Variants in DENND4C observed in about 807,000 individuals in gnomAD.
DENND4C encodes the protein DENN domain containing 4C.
In DENND4C, 108 loss-of-function variants were observed where a neutral mutation model predicts 203.0. That is an observed-to-expected ratio of 0.53 (90% CI 0.46 to 0.62). The LOEUF is 0.62. Ranked by LOEUF, DENND4C falls within the 20% of genes least tolerant of loss-of-function variation. The pLI, the probability that DENND4C is intolerant of heterozygous loss-of-function variation, is 0.00. For synonymous variants in DENND4C, 871 were observed against 792.4 expected (o/e 1.10, Z -1.67); for missense variants, 2,481 against 2,301.2 (o/e 1.08, Z -1.60).
At chr9:19,353,109 A>G (rs1003594839) in intron 26 of DENND4C, among the ~76,000 whole-genome samples, 4 of 152,112 alleles carry the variant, frequency 2.6e-5, no homozygotes, top group Non-Finnish European at 4.4e-5. Context: ...AACAAAGGGG[A>G]AAAAAAGGCT....
intron 23 of DENND4C, among the ~76,000 whole-genome samples, chr9:19,349,592 C>T (rs570614141): frequency 6.6e-6 from 1 of 152,226 alleles, no homozygotes; most frequent in East Asian, 1.9e-4. Flanking sequence ...TAAATATTTA[C>T]ACATGAAGGA....
At chr9:19,260,987 T>G (rs1237417276) in intron 1 of DENND4C, among the ~76,000 whole-genome samples, 1 of 152,138 alleles carries the variant, frequency 6.6e-6, no homozygotes, top group African/African-American at 2.4e-5. Flanking sequence ...TGTAGTAGTT[T>G]CATGGTTTGA....
At chr9:19,325,603 C>G (rs1340974036) in intron 13 of DENND4C, among the ~76,000 whole-genome samples, 2 of 151,976 alleles carry the variant, frequency 1.3e-5, no homozygotes, top group Non-Finnish European at 2.9e-5. Flanking sequence ...CAGTATCTTC[C>G]AGTTATATGA....
intron 10 of DENND4C, among the ~76,000 whole-genome samples, chr9:19,311,180 G>A (rs1434551639): frequency 3.3e-5 from 5 of 152,066 alleles, no homozygotes; most frequent in Admixed American, 2.6e-4. Flanking sequence ...ATGGAGTAGA[G>A]TGGCCCAATC....
intron 10 of DENND4C, among the ~76,000 whole-genome samples, chr9:19,312,062 A>G (rs888006218): frequency 6.6e-6 from 1 of 152,160 alleles, no homozygotes; most frequent in Non-Finnish European, 1.5e-5. Context: ...ATGAGCAAGG[A>G]TGCTTTCTGT....
At chr9:19,315,931 G>A (rs1029643799) in intron 10 of DENND4C, among the ~76,000 whole-genome samples, 16 of 151,660 alleles carry the variant, frequency 1.1e-4, no homozygotes, top group African/African-American at 3.9e-4. Context: ...GTCTGGCTTT[G>A]GTTTTTATTG....
chr9:19,359,555 C>T (rs2132191987), intron 28 of DENND4C, among the ~76,000 whole-genome samples: 1 of 151,792 alleles, frequency 6.6e-6, no homozygotes, highest in Non-Finnish European at 1.5e-5. Flanking sequence ...ATGTTTTATG[C>T]TTATGTTATA....
At chr9:19,296,601 C>T (rs1837523270) in intron 6 of DENND4C, among the ~76,000 whole-genome samples, 1 of 152,080 alleles carries the variant, frequency 6.6e-6, no homozygotes, top group African/African-American at 2.4e-5. Flanking sequence ...GGTCCACCTG[C>T]CTCAGCCTCC....
chr9:19,337,729 C>CT (rs1820799502), intron 20 of DENND4C: 2 of 1,048,558 alleles, frequency 1.9e-6, no homozygotes, highest in South Asian at 2.7e-5. Flanking sequence ...GGGGAAAGAC[C>CT]TTTCATTGTA....
At chr9:19,287,158 G>C in intron 3 of DENND4C, 137 bp downstream of exon 3, 1 of 857,108 alleles carries the variant, frequency 1.2e-6, no homozygotes, top group Non-Finnish European at 1.5e-6. Context: ...TAATTTTTAT[G>C]ATTTGTAATA....
chr9:19,372,869 A>C lies in DENND4C; in HGVS notation c.*696A>C. 1 of 152,190 alleles carries C rather than the reference A, an allele frequency of 6.6e-6. No homozygotes were observed. Among genetic ancestry groups the C allele is most frequent in the Non-Finnish European group, 1.5e-5 (1 of 68,266 alleles). 9.4% of individuals were successfully genotyped at this position (152,190 alleles called of 1,614,324 possible). On this transcript the variant is annotated 3_prime_UTR_variant, in exon 33 of 33. Coordinates refer to ENST00000434457, the MANE Select transcript of DENND4C (RefSeq NM_001330640.2). ...GAGTGAGACCGTCTCAAAAAAAAAA[A>C]AAAAAAAAAAAGAGAGCAACATATT...
At chr9:19,319,669 ATACT>A (rs1842553290) in intron 12 of DENND4C, among the ~76,000 whole-genome samples, 2 of 151,986 alleles carry the variant, frequency 1.3e-5, no homozygotes, top group South Asian at 2.1e-4. Flanking sequence ...ATTTGAAAAG[ATACT>A]TACTCAGTTT....
In DENND4C at chr9:19,272,981, C is replaced by G. The variant is rs1459641260; in HGVS notation, c.-17-3177C>G. On this transcript the variant is annotated intron_variant, in intron 1 of 32. Coordinates refer to ENST00000434457, the MANE Select transcript of DENND4C (RefSeq NM_001330640.2). Reference sequence around the variant, plus strand: ...TTTTTTTTTTTGAGATGGAGTCTCGCTCTGTCACCCAGGCTGGAGTGCAGT... The same window carrying G: ...TTTTTTTTTTTGAGATGGAGTCTCGGTCTGTCACCCAGGCTGGAGTGCAGT... Among the ~76,000 whole-genome samples, 4 of 137,500 alleles carry G rather than the reference C, an allele frequency of 2.9e-5. No individual in the cohort carries two copies. The East Asian group carries it at 8.7e-4, about 30-fold the overall frequency. The allele number at this position is 137,500 out of a possible 152,430, so 90.2% of individuals were successfully genotyped here. A position where few individuals can be genotyped will look rare whatever the true frequency, so the allele number is the denominator to read the frequency against.
intron 10 of DENND4C, among the ~76,000 whole-genome samples, chr9:19,307,343 C>A (rs1839882180): frequency 6.9e-6 from 1 of 145,722 alleles, no homozygotes; most frequent in African/African-American, 2.6e-5. Context: ...TGCAGTGACC[C>A]ATGTTGACCC....
chr9:19,295,970 A>T, intron 5 of DENND4C, 38 bp from the exon 6 acceptor site: 1 of 1,472,542 alleles, frequency 6.8e-7, no homozygotes, highest in South Asian at 1.2e-5. Flanking sequence ...TTTTTCAAAC[A>T]AACTCAAATC....
chr9:19,270,306 G>A (rs771033333), intron 1 of DENND4C, among the ~76,000 whole-genome samples: 8 of 152,220 alleles, frequency 5.3e-5, no homozygotes, highest in African/African-American at 1.7e-4. Flanking sequence ...TTTATTCAGC[G>A]GGTTGTGAAT....
At position 19,352,663 on chromosome 9, in the gene DENND4C, A is replaced by AAGGTT; in HGVS notation, c.4781+1_4781+5dup. ...AATTCAAAGATTTGAGAGGTTCTGC[A>AAGGTT]AGGTTAGTCTTATAAAAGCTCTCTC... On this transcript the variant is annotated frameshift_variant and splice_region_variant, in exon 26 of 33. Transcript: ENST00000434457. LOFTEE classifies it high-confidence loss of function. The AAGGTT allele has an allele frequency of 6.3e-7, 1 of 1,590,050 alleles. No individual in the cohort carries two copies. Among genetic ancestry groups the AAGGTT allele is most frequent in the Non-Finnish European group, 8.6e-7 (1 of 1,166,582 alleles).
In DENND4C at chr9:19,282,081, A is replaced by G. The variant is rs1458263025; in HGVS notation, c.306-4688A>G. Reference sequence around the variant, plus strand: ...TTAGTAAATTAACTTTAGCTTTATTATAGCCTTTTTACTTTATAAACTTTT... The same window carrying G: ...TTAGTAAATTAACTTTAGCTTTATTGTAGCCTTTTTACTTTATAAACTTTT... On this transcript the variant is annotated intron_variant, in intron 2 of 32. Coordinates refer to ENST00000434457, the MANE Select transcript of DENND4C (RefSeq NM_001330640.2). Among the ~76,000 whole-genome samples the G allele has an allele frequency of 8.5e-5, 13 of 152,134 alleles. 1 individual carries two copies. The highest frequency in any genetic ancestry group is 7.2e-4 in the Admixed American group (11 of 15,272).
intron 3 of DENND4C, among the ~76,000 whole-genome samples, 167 bp from the exon 4 acceptor site, chr9:19,288,429 G>A (rs1348160183): frequency 6.6e-6 from 1 of 152,130 alleles, no homozygotes; most frequent in Non-Finnish European, 1.5e-5. Context: ...TCTTATTTTA[G>A]TGTTCTGAAC....
Sources: gnomAD v4.1 joint callset for allele counts (sites outside exome capture counted in the v4.1 genomes callset) on GRCh38, gnomAD v4.1.1 for gene constraint, MANE v1.5 for transcripts, NCBI Gene and HGNC (gene_info 2026-07-23, HGNC 2026-07-21) for gene names.